The following LHFPL3 variants were observed in gnomAD, a reference collection of about 807,000 sequenced individuals.
The protein encoded by LHFPL3 is LHFPL tetraspan subfamily member 3 protein.
In LHFPL3, 5 loss-of-function variants were observed where a neutral mutation model predicts 19.3. The observed-to-expected ratio is 0.26, with a 90% confidence interval of 0.14 to 0.54. LHFPL3 has a LOEUF of 0.54. Ranked by LOEUF, LHFPL3 falls within the 20% of genes least tolerant of loss-of-function variation. LHFPL3 has a pLI of 0.94. For missense variants in LHFPL3, 249 were observed against 307.4 expected (o/e 0.81, Z 1.42); for synonymous variants, 133 against 126.2 (o/e 1.05, Z -0.36).
chr7:104,382,674 A>G (rs73179908), intron 1 of LHFPL3, among the ~76,000 whole-genome samples: 11,081 of 152,256 alleles, frequency 0.073, 448 homozygotes, highest in East Asian at 0.16. Flanking sequence ...TGTATGCCCC[A>G]TATCTGTTGA....
At chr7:104,514,629 G>A (rs760979150) in intron 1 of LHFPL3, among the ~76,000 whole-genome samples, 21 of 152,154 alleles carry the variant, frequency 1.4e-4, no homozygotes, top group Middle Eastern at 3.2e-3. Context: ...ACCTTGGCAG[G>A]TCACAAGTCT....
At chr7:104,629,820 A>T (rs759533) in intron 1 of LHFPL3, among the ~76,000 whole-genome samples, 1 of 152,130 alleles carries the variant, frequency 6.6e-6, no homozygotes, top group African/African-American at 2.4e-5. Flanking sequence ...TGTTGCAGCC[A>T]CATTGGATGG....
At chr7:104,865,084 T>G (rs1791695346) in intron 2 of LHFPL3, among the ~76,000 whole-genome samples, 1 of 151,920 alleles carries the variant, frequency 6.6e-6, no homozygotes, top group Non-Finnish European at 1.5e-5. Context: ...TACATCACCA[T>G]CATCAAAGAC....
At chr7:104,509,890 G>C (rs1434788936) in intron 1 of LHFPL3, among the ~76,000 whole-genome samples, 2 of 151,982 alleles carry the variant, frequency 1.3e-5, no homozygotes, top group Admixed American at 6.5e-5. Flanking sequence ...AGGTCTACAA[G>C]TTCACAAGAT....
At chr7:104,343,961 A>T (rs1366749170) in intron 1 of LHFPL3, among the ~76,000 whole-genome samples, 1 of 152,128 alleles carries the variant, frequency 6.6e-6, no homozygotes, top group Non-Finnish European at 1.5e-5. Flanking sequence ...AATGCTTTTA[A>T]TATTTCACCA....
intron 2 of LHFPL3, among the ~76,000 whole-genome samples, chr7:104,760,171 C>T (rs955325382): frequency 6.6e-6 from 1 of 152,170 alleles, no homozygotes; most frequent in African/African-American, 2.4e-5. Context: ...GGTCCAGGGA[C>T]CACACTTTAA....
chr7:104,642,258 G>C (rs1023543012), intron 1 of LHFPL3, among the ~76,000 whole-genome samples: 1 of 151,812 alleles, frequency 6.6e-6, no homozygotes, highest in Non-Finnish European at 1.5e-5. Context: ...GACTGGTCTC[G>C]AACTCCTTGC....
chr7:104,900,654 G>A (rs1413279533), intron 2 of LHFPL3, among the ~76,000 whole-genome samples: 1 of 152,218 alleles, frequency 6.6e-6, no homozygotes, highest in Admixed American at 6.5e-5. Context: ...CAGGAACAAT[G>A]AGCAGAAACC....
At chr7:104,373,125 A>G (rs1456103811) in intron 1 of LHFPL3, among the ~76,000 whole-genome samples, 2 of 152,304 alleles carry the variant, frequency 1.3e-5, no homozygotes, top group Non-Finnish European at 2.9e-5. Flanking sequence ...ATTCTGGTGA[A>G]CTTTGTTAAT....
chr7:104,694,972 A>T (rs1792971165), intron 1 of LHFPL3, among the ~76,000 whole-genome samples: 1 of 152,206 alleles, frequency 6.6e-6, no homozygotes, highest in Non-Finnish European at 1.5e-5. Flanking sequence ...TTGTGAATTT[A>T]TGTATGTTAT....
chr7:104,793,159 G>A (rs1004120948), intron 2 of LHFPL3, among the ~76,000 whole-genome samples: 2 of 152,308 alleles, frequency 1.3e-5, no homozygotes, highest in African/African-American at 4.8e-5. Flanking sequence ...GCCTCCCAAA[G>A]TGATGGGATT....
intron 1 of LHFPL3, among the ~76,000 whole-genome samples, chr7:104,354,074 CTT>C (rs953131480): frequency 7.9e-5 from 12 of 152,148 alleles, no homozygotes; most frequent in African/African-American, 2.7e-4. Context: ...AAAAATCTCT[CTT>C]GTGTTCCTCC....
At chr7:104,561,557 A>G (rs1584402754) in intron 1 of LHFPL3, among the ~76,000 whole-genome samples, 1 of 151,302 alleles carries the variant, frequency 6.6e-6, no homozygotes, top group South Asian at 2.1e-4. Flanking sequence ...CCATCCTTTT[A>G]TTTTGAGCCT....
chr7:104,845,375 C>T (rs1291858574), intron 2 of LHFPL3: 1 of 1,496,292 alleles, frequency 6.7e-7, no homozygotes, highest in Non-Finnish European at 9.0e-7. Flanking sequence ...TCCTCCCACA[C>T]TCTCAGATGA....
At chr7:104,606,900 G>A (rs959752924) in intron 1 of LHFPL3, among the ~76,000 whole-genome samples, 1 of 152,054 alleles carries the variant, frequency 6.6e-6, no homozygotes, top group Non-Finnish European at 1.5e-5. Flanking sequence ...TACGGGATCC[G>A]TTGAATCATG....
intron 1 of LHFPL3, among the ~76,000 whole-genome samples, chr7:104,352,355 A>G (rs1790194378): frequency 6.6e-6 from 1 of 152,154 alleles, no homozygotes; most frequent in African/African-American, 2.4e-5. Context: ...TTGCACGTAA[A>G]ATTCTTAGAA....
intron 1 of LHFPL3, among the ~76,000 whole-genome samples, chr7:104,355,643 A>G (rs904206989): frequency 1.5e-4 from 23 of 152,216 alleles, no homozygotes; most frequent in Admixed American, 1.5e-3. Flanking sequence ...AGGAAGGAGA[A>G]CCAACCTTAG....
chr7:104,790,382 A>G (rs1270102970), intron 2 of LHFPL3, among the ~76,000 whole-genome samples: 1 of 152,088 alleles, frequency 6.6e-6, no homozygotes, highest in Non-Finnish European at 1.5e-5. Flanking sequence ...GCTTGTCTAC[A>G]ATGTGCAGTT....
intron 1 of LHFPL3, among the ~76,000 whole-genome samples, chr7:104,548,038 A>G (rs367602007): frequency 1.0e-3 from 159 of 152,316 alleles, no homozygotes; most frequent in African/African-American, 3.7e-3. Context: ...AAATATGACA[A>G]TATGCACAAT....
Sources: allele counts gnomAD v4.1 joint callset (sites outside exome capture counted in the v4.1 genomes callset), GRCh38; gene constraint gnomAD v4.1.1; transcripts MANE v1.5; gene names NCBI Gene and HGNC (gene_info 2026-07-23, HGNC 2026-07-21).